The following SHB variants were observed in gnomAD, a reference collection of about 807,000 sequenced individuals.
SHB encodes SH2 domain-containing adapter protein B.
A neutral mutation model predicts 52.3 loss-of-function variants in SHB; 20 were observed. The observed-to-expected ratio is 0.38, with a 90% CI of 0.27 to 0.56. SHB has a LOEUF of 0.56. Ranked by LOEUF, SHB falls within the 20% of genes least tolerant of loss-of-function variation. The pLI is 0.71. For missense variants in SHB, 825 were observed against 723.3 expected (o/e 1.14, Z -1.61); for synonymous variants, 397 against 316.5 (o/e 1.25, Z -2.70).
At chr9:38,034,683 T>C (rs1233178884) in intron 1 of SHB, among the ~76,000 whole-genome samples, 1 of 152,180 alleles carries the variant, frequency 6.6e-6, no homozygotes, top group Non-Finnish European at 1.5e-5. Context: ...TAGTACTTCA[T>C]GTTTTTGGTT....
At chr9:37,976,380 T>G (rs1820653631) in intron 2 of SHB, among the ~76,000 whole-genome samples, 1 of 152,210 alleles carries the variant, frequency 6.6e-6, no homozygotes, top group Non-Finnish European at 1.5e-5. Context: ...TTCAGTGGCA[T>G]TAGGTACATT....
intron 3 of SHB, among the ~76,000 whole-genome samples, chr9:37,971,140 C>T (rs1466214789): frequency 2.6e-5 from 4 of 152,160 alleles, no homozygotes; most frequent in African/African-American, 9.7e-5. Context: ...GGATGGGGCC[C>T]AGCCAAGCTG....
At chr9:38,004,709 C>CT (rs2118049469) in intron 2 of SHB, among the ~76,000 whole-genome samples, 1 of 152,300 alleles carries the variant, frequency 6.6e-6, no homozygotes, top group South Asian at 2.1e-4. Context: ...GGTAGCTTCA[C>CT]GGAGGGCTGT....
At chr9:38,050,316 T>C (rs1328089498) in intron 1 of SHB, among the ~76,000 whole-genome samples, 1 of 152,254 alleles carries the variant, frequency 6.6e-6, no homozygotes, top group Non-Finnish European at 1.5e-5. Context: ...GAAAATGCCA[T>C]GCCCCAATTA....
In SHB at chr9:37,962,186, G is replaced by A. The variant is rs570611909; in HGVS notation, c.1055-6132C>T. Among the ~76,000 whole-genome samples the A allele has an allele frequency of 4.1e-4, 63 of 152,314 alleles. 2 individuals carry two copies. The South Asian group carries it at 0.013, about 31-fold the overall frequency. On this transcript the variant is annotated intron_variant, in intron 3 of 5. Coordinates refer to ENST00000377707, the MANE Select transcript of SHB (RefSeq NM_003028.3). ...GGTCCAGGCAGGCCCCCTGTAAGCG[G>A]GAGACCCTGACCCATGGTCACATGT...
At chr9:38,000,291 A>C (rs1820995600) in intron 2 of SHB, among the ~76,000 whole-genome samples, 1 of 152,208 alleles carries the variant, frequency 6.6e-6, no homozygotes, top group Non-Finnish European at 1.5e-5. Flanking sequence ...CCATGGGACC[A>C]TCTGTCCCAG....
intron 5 of SHB, among the ~76,000 whole-genome samples, chr9:37,927,490 G>A (rs1334811083): frequency 2.0e-5 from 3 of 152,202 alleles, no homozygotes; most frequent in African/African-American, 7.2e-5. Flanking sequence ...GGTGGCCCAG[G>A]GTGAAGGCCT....
At chr9:38,058,581 G>A (rs56225059) in intron 1 of SHB, among the ~76,000 whole-genome samples, 50,227 of 152,050 alleles carry the variant, frequency 0.33, 10,377 homozygotes, top group Non-Finnish European at 0.47. Flanking sequence ...AGTCAGATGC[G>A]TGGCTGGCTT....
intron 2 of SHB, among the ~76,000 whole-genome samples, chr9:37,982,514 C>T (rs763028992): frequency 1.3e-5 from 2 of 151,848 alleles, no homozygotes; most frequent in African/African-American, 2.4e-5. Flanking sequence ...ATAAGTAGGC[C>T]GGGTGCAGTG....
rs1015035999 is a variant in SHB at position 38,008,432 on chromosome 9, T to A, written c.838+7579A>T. ...TATGAAATCTATTTACACTTGATGA[T>A]CTCCTTCCTGTCCGGTAGGTAAGTC... On this transcript the variant is annotated intron_variant, in intron 2 of 5. Coordinates refer to ENST00000377707, the MANE Select transcript of SHB (RefSeq NM_003028.3). Among the ~76,000 whole-genome samples, 4 of 152,210 alleles carry A rather than the reference T, an allele frequency of 2.6e-5. No homozygotes were observed. In the East Asian group the frequency reaches 5.8e-4, roughly 22 times the overall value.
At chr9:38,034,365 G>T (rs985375403) in intron 1 of SHB, among the ~76,000 whole-genome samples, 4 of 152,228 alleles carry the variant, frequency 2.6e-5, no homozygotes, top group African/African-American at 9.6e-5. Context: ...TGATAATGAT[G>T]TTATGATCCA....
At chr9:38,048,809 C>T (rs1254619493) in intron 1 of SHB, among the ~76,000 whole-genome samples, 1 of 152,120 alleles carries the variant, frequency 6.6e-6, no homozygotes, top group East Asian at 1.9e-4. Flanking sequence ...AGGTAATTTC[C>T]AGTTTTTGGT....
intron 1 of SHB, among the ~76,000 whole-genome samples, chr9:38,055,040 TG>T (rs1283771369): frequency 6.6e-6 from 1 of 152,228 alleles, no homozygotes; most frequent in Admixed American, 6.5e-5. Flanking sequence ...ATGCCCTGGC[TG>T]TATCTCCAGA....
intron 5 of SHB, among the ~76,000 whole-genome samples, chr9:37,942,717 A>G (rs1477841652): frequency 1.3e-5 from 2 of 152,230 alleles, no homozygotes; most frequent in Non-Finnish European, 2.9e-5. Flanking sequence ...AGATGGAAGC[A>G]GGACTTGGAT....
intron 1 of SHB, among the ~76,000 whole-genome samples, chr9:38,049,943 G>A (rs148042637): frequency 0.012 from 1,784 of 152,216 alleles, 32 homozygotes; most frequent in African/African-American, 0.041. Flanking sequence ...GGGATTACAG[G>A]CATGTGCCAC....
intron 1 of SHB, among the ~76,000 whole-genome samples, chr9:38,055,852 C>A (rs2118177322): frequency 6.6e-6 from 1 of 152,232 alleles, no homozygotes; most frequent in South Asian, 2.1e-4. Flanking sequence ...TACACCTAGA[C>A]AGCCCAGCCT....
chr9:37,977,683 G>A lies in SHB; in HGVS notation c.839-2846C>T, dbSNP rs565884208. 5.3e-5 allele frequency among the ~76,000 whole-genome samples: 8 copies of A among 152,288 alleles called. No individual in the cohort carries two copies. In the South Asian group the frequency reaches 1.7e-3, roughly 32 times the overall value. ...ATCACTAAATCTACCAAACTAATCT[G>A]CAACTTATTGTCTTGTAGGGTCCTC... On this transcript the variant is annotated intron_variant, in intron 2 of 5. Coordinates refer to ENST00000377707, the MANE Select transcript of SHB (RefSeq NM_003028.3).
intron 2 of SHB, among the ~76,000 whole-genome samples, chr9:37,991,702 G>C (rs10814636): frequency 2.0e-5 from 3 of 152,010 alleles, no homozygotes; most frequent in African/African-American, 7.3e-5. Context: ...CACTCTCCTG[G>C]AAGCTTGATA....
intron 1 of SHB, among the ~76,000 whole-genome samples, chr9:38,056,034 T>G (rs763070800): frequency 6.6e-6 from 1 of 152,194 alleles, no homozygotes; most frequent in Non-Finnish European, 1.5e-5. Context: ...AATAAGCGCA[T>G]GGGTATCTGC....
Sources: gnomAD v4.1 joint callset for allele counts (sites outside exome capture counted in the v4.1 genomes callset) on GRCh38, gnomAD v4.1.1 for gene constraint, MANE v1.5 for transcripts, NCBI Gene and HGNC (gene_info 2026-07-23, HGNC 2026-07-21) for gene names.